The following TACR3 variants were observed in gnomAD, a reference collection of about 807,000 sequenced individuals.
TACR3 encodes the protein tachykinin receptor 3.
In TACR3, 34 loss-of-function variants were observed where a neutral mutation model predicts 35.0. That is an observed-to-expected ratio of 0.97 (90% CI 0.74 to 1.30). TACR3 has a LOEUF of 1.30. Ranked by LOEUF, TACR3 falls within the 50% of genes most tolerant of loss-of-function variation. TACR3 has a pLI of 0.00. For synonymous variants in TACR3, 233 were observed against 221.1 expected, an observed-to-expected ratio of 1.05 and a Z score of -0.48; for missense variants, 558 against 591.7, an observed-to-expected ratio of 0.94 and a Z score of 0.59.
At chr4:103,619,525 G>A (rs1724731934) in intron 3 of TACR3, among the ~76,000 whole-genome samples, 1 of 152,064 alleles carries the variant, frequency 6.6e-6, no homozygotes, top group African/African-American at 2.4e-5. Flanking sequence ...TCTTTTGCCT[G>A]ACTGCTCTGG....
In TACR3 at chr4:103,640,625, TTACTC is replaced by T. The variant is rs533779772; in HGVS notation, c.888+15564_888+15568del. Reference sequence around the variant, plus strand: ...TTCTCCTAATCCATTCATTGTATCTTTACTCTATTGCAAGCTTGTCCAACCCGTGG... The same window carrying T: ...TTCTCCTAATCCATTCATTGTATCTTTATTGCAAGCTTGTCCAACCCGTGG... On this transcript the variant is annotated intron_variant, in intron 3 of 4. Coordinates refer to ENST00000304883, the MANE Select transcript of TACR3 (RefSeq NM_001059.3). 1.1e-3 allele frequency among the ~76,000 whole-genome samples: 172 copies of T among 152,110 alleles called. 1 individual carries two copies. The highest frequency in any genetic ancestry group is 3.9e-3 in the African/African-American group (164 of 41,528).
chr4:103,719,271 G>C lies in TACR3; in HGVS notation c.405C>G (p.Ala135=). The change falls in exon 1 of 5, where the codon GCC becomes GCG. Residue 135 remains alanine, a synonymous_variant. Coordinates refer to ENST00000304883, the MANE Select transcript of TACR3 (RefSeq NM_001059.3). ...TGAAATTGACCAACGTGTTGAAGGC[G>C]GCCATGGAGGCGTCGGAGAAAGCCA... ...VNLAFSDASM[A]AFNTLVNFIY... The C allele has an allele frequency of 6.2e-7, 1 of 1,614,234 alleles. No homozygotes were observed. The highest frequency in any genetic ancestry group is 2.2e-5 in the East Asian group (1 of 44,878).
intron 3 of TACR3, among the ~76,000 whole-genome samples, chr4:103,626,957 G>A (rs1454879769): frequency 1.3e-5 from 2 of 151,220 alleles, no homozygotes; most frequent in Non-Finnish European, 2.9e-5. Context: ...GGCGGATCAC[G>A]AGGCCAGGAG....
intron 1 of TACR3, among the ~76,000 whole-genome samples, chr4:103,702,355 C>T (rs960410076): frequency 9.9e-5 from 15 of 152,232 alleles, no homozygotes; most frequent in African/African-American, 3.4e-4. Context: ...AATGAGATAC[C>T]ATCTCACACC....
chr4:103,719,556 C>T lies in TACR3; in HGVS notation c.120G>A (p.Gly40=), dbSNP rs1723165771. Residue 40 remains glycine, a synonymous_variant, in exon 1 of 5, where the codon GGG becomes GGA. Coordinates refer to ENST00000304883, the MANE Select transcript of TACR3 (RefSeq NM_001059.3). ...CAGCTTGGTCCAGCAGTTGCAGCCA[C>T]CCAGTCTCAACTGCCCCCGTGGCCG... ...AGAATGAVET[G]WLQLLDQAGN... 1 of 1,608,522 alleles carries T rather than the reference C, an allele frequency of 6.2e-7. No individual in the cohort carries two copies. Among genetic ancestry groups the T allele is most frequent in the African/African-American group, 1.3e-5 (1 of 74,856 alleles).
At chr4:103,683,470 CAAAAAAAA>C (rs57761679) in intron 1 of TACR3, among the ~76,000 whole-genome samples, 66 of 21,156 alleles carry the variant, frequency 3.1e-3, no homozygotes, top group Admixed American at 7.0e-3. Context: ...AAAGACTGAC[CAAAAAAAA>C]AAAAAAAAAA....
chr4:103,588,110 A>C lies in TACR3; in HGVS notation c.*1572T>G, dbSNP rs1196651184. 6.6e-6 allele frequency: 1 copy of C among 152,006 alleles called. No individual in the cohort carries two copies. Among genetic ancestry groups the C allele is most frequent in the Non-Finnish European group, 1.5e-5 (1 of 67,968 alleles). 9.4% of individuals were successfully genotyped at this position (152,006 alleles called of 1,614,324 possible). On this transcript the variant is annotated 3_prime_UTR_variant, in exon 5 of 5. Transcript: ENST00000304883. ...ATTGGATATTTCTGGTTTTGGCTTC[A>C]AAATAGGGAAGAGATTTGAGAAATA...
Position 103,587,825 on chromosome 4 carries a change from T to C in TACR3, c.*1857A>G, listed in dbSNP as rs927818696. 3 of 152,130 alleles carry C rather than the reference T, an allele frequency of 2.0e-5. No individual in the cohort carries two copies. Among genetic ancestry groups the C allele is most frequent in the Non-Finnish European group, 4.4e-5 (3 of 67,992 alleles). The allele number at this position is 152,130 out of a possible 1,614,324, so 9.4% of individuals were successfully genotyped here. A position where few individuals can be genotyped will look rare whatever the true frequency, so the allele number is the denominator to read the frequency against. On this transcript the variant is annotated 3_prime_UTR_variant, in exon 5 of 5. Transcript: ENST00000304883. ...TATTCAAACAATTAGATACTATATA[T>C]TAAATTTGCTTATTTAAAACATGCA... is the stretch of plus-strand genomic sequence containing the variant.
chr4:103,643,515 G>A (rs910763173), intron 3 of TACR3, among the ~76,000 whole-genome samples: 1 of 151,614 alleles, frequency 6.6e-6, no homozygotes, highest in African/African-American at 2.4e-5. Flanking sequence ...AGAAATAACA[G>A]TTGTTTTGCA....
intron 3 of TACR3, among the ~76,000 whole-genome samples, chr4:103,625,284 AT>A (rs1291322546): frequency 6.6e-6 from 1 of 152,184 alleles, no homozygotes; most frequent in Middle Eastern, 3.2e-3. Context: ...ACTATGAGAC[AT>A]TTACAGAGTG....
At chr4:103,599,888 T>G (rs926254239) in intron 3 of TACR3, among the ~76,000 whole-genome samples, 2 of 152,200 alleles carry the variant, frequency 1.3e-5, no homozygotes, top group African/African-American at 4.8e-5. Context: ...TGCATCAATG[T>G]TCATCAAGGA....
At chr4:103,590,028 A>AT (rs777752737) in intron 4 of TACR3, 34 bp from the exon 5 acceptor site, 3 of 1,598,240 alleles carry the variant, frequency 1.9e-6, no homozygotes, top group South Asian at 1.1e-5. Context: ...AGAAAAAGTT[A>AT]TTTTTTCAAG....
At chr4:103,630,458 C>T (rs1725032441) in intron 3 of TACR3, among the ~76,000 whole-genome samples, 1 of 152,146 alleles carries the variant, frequency 6.6e-6, no homozygotes, top group African/African-American at 2.4e-5. Context: ...CGGCTAATAT[C>T]CAGAATCTAC....
intron 1 of TACR3, among the ~76,000 whole-genome samples, chr4:103,715,581 C>T (rs1723072732): frequency 6.6e-6 from 1 of 151,988 alleles, no homozygotes; most frequent in Admixed American, 6.6e-5. Flanking sequence ...TAACACACTC[C>T]CTTAAGGTTT....
chr4:103,636,497 A>G (rs1178573081), intron 3 of TACR3, among the ~76,000 whole-genome samples: 1 of 152,016 alleles, frequency 6.6e-6, no homozygotes, highest in Non-Finnish European at 1.5e-5. Context: ...AAAGCCTTTT[A>G]TCTCATAATA....
chr4:103,703,555 G>A (rs1358447310), intron 1 of TACR3, among the ~76,000 whole-genome samples: 1 of 152,116 alleles, frequency 6.6e-6, no homozygotes, highest in Non-Finnish European at 1.5e-5. Context: ...ATCCTGCTGA[G>A]TCTAGAATTA....
intron 1 of TACR3, among the ~76,000 whole-genome samples, chr4:103,696,254 C>G (rs1722518354): frequency 6.6e-6 from 1 of 151,856 alleles, no homozygotes; most frequent in Admixed American, 6.6e-5. Context: ...GCAAAGTGAT[C>G]TAAATAATCA....
intron 3 of TACR3, among the ~76,000 whole-genome samples, chr4:103,652,947 A>T (rs1725654090): frequency 6.6e-6 from 1 of 152,102 alleles, no homozygotes; most frequent in African/African-American, 2.4e-5. Flanking sequence ...TTGACTTTAG[A>T]TAAAAAGAAA....
intron 1 of TACR3, among the ~76,000 whole-genome samples, chr4:103,688,144 G>C (rs186303812): frequency 4.7e-4 from 71 of 152,216 alleles, no homozygotes; most frequent in Non-Finnish European, 8.8e-4. Context: ...ACAAGAAATG[G>C]GGAAAGGATT....
Sources: allele counts gnomAD v4.1 joint callset (sites outside exome capture counted in the v4.1 genomes callset), GRCh38; gene constraint gnomAD v4.1.1; transcripts MANE v1.5; gene names NCBI Gene and HGNC (gene_info 2026-07-23, HGNC 2026-07-21).